Variants in GOLGB1 observed in about 807,000 individuals in gnomAD.
GOLGB1 encodes the protein golgin B1, also known as golgin subfamily B member 1.
Under a neutral mutation model 336.9 loss-of-function variants are expected in GOLGB1, and 174 were observed. That is an observed-to-expected ratio of 0.52 (90% CI 0.46 to 0.59). The LOEUF (loss-of-function observed/expected upper bound fraction) is 0.59, where lower values mean the gene tolerates loss of function less well. Among genes scored for constraint, GOLGB1 ranks in the 20% least tolerant of loss-of-function variants. GOLGB1 has a pLI of 0.00. For missense variants in GOLGB1, 3,331 were observed against 3,645.3 expected (o/e 0.91, Z 2.22); for synonymous variants, 1,208 against 1,289.2 (o/e 0.94, Z 1.35).
intron 10 of GOLGB1, among the ~76,000 whole-genome samples, chr3:121,707,040 G>A (rs373330585): frequency 5.3e-5 from 8 of 150,816 alleles, no homozygotes; most frequent in Middle Eastern, 3.4e-3. Flanking sequence ...GTGAAACCCC[G>A]TCTCTACCAA....
At chr3:121,701,007 G>C (rs929019055) in intron 11 of GOLGB1, among the ~76,000 whole-genome samples, 2 of 152,106 alleles carry the variant, frequency 1.3e-5, no homozygotes, top group African/African-American at 4.8e-5. Context: ...CTGGCACATA[G>C]GAAAGCCACC....
Position 121,691,512 on chromosome 3 carries a change from G to C in GOLGB1, c.7852C>G (p.Gln2618Glu). ...EIESLKVSIS[Q>E]LTRQVTALQE... ...AAGGCTGTTACTTGTCTTGTTAGCTGGGATATAGATACTTTCAAACTCTCA... is the reference window on the plus strand; with the variant it reads ...AAGGCTGTTACTTGTCTTGTTAGCTCGGATATAGATACTTTCAAACTCTCA... The change falls in exon 14 of 22, where the codon CAG becomes GAG. Residue 2618 changes from glutamine (Q) to glutamate (E), a missense_variant. Physicochemically the swap from Gln to Glu is conservative, Grantham distance 29. Transcript: ENST00000614479. 1 of 1,612,124 alleles carries C rather than the reference G, an allele frequency of 6.2e-7. No individual in the cohort carries two copies. The highest frequency in any genetic ancestry group is 1.1e-5 in the South Asian group (1 of 90,584).
intron 5 of GOLGB1, among the ~76,000 whole-genome samples, chr3:121,724,968 T>C (rs769032868): frequency 6.6e-6 from 1 of 152,174 alleles, no homozygotes; most frequent in Non-Finnish European, 1.5e-5. Flanking sequence ...AACATCCACA[T>C]GGTGCTAATT....
At chr3:121,670,050 C>A (rs1223902910) in intron 17 of GOLGB1, among the ~76,000 whole-genome samples, 1 of 152,144 alleles carries the variant, frequency 6.6e-6, no homozygotes, top group East Asian at 1.9e-4. Flanking sequence ...GCGCCCACTG[C>A]CTGACAAAGC....
Position 121,691,435 on chromosome 3 carries a change from T to C in GOLGB1, c.7929A>G (p.Glu2643=), listed in dbSNP as rs140044519. 3.7e-6 allele frequency: 6 copies of C among 1,613,726 alleles called. No individual in the cohort carries two copies. The African/African-American group carries it at 6.7e-5, about 18-fold the overall frequency. The stretch of plus-strand genomic sequence containing the variant: ...AAGCACTTAACCTGTGTACCTCTTC[T>C]TCTTTTACTTTTAACTGGGCATGAT... The part of the protein sequence containing the change: ...GLYHAQLKVK[E]EEVHRLSALF... Residue 2643 remains glutamate (E), a synonymous_variant, in exon 14 of 22, where the codon GAA becomes GAG. Transcript: ENST00000614479.
Position 121,696,028 on chromosome 3 carries a change from CT to C in GOLGB1, c.4494del (p.Glu1499LysfsTer3). ...AGACTTTTGTTTTCTTTTAGTGCTT[CT>C]TTTCGGGAAATAAGGGCAGCTTGCA... is the stretch of plus-strand genomic sequence containing the variant. ...RKLQAALISR[K>X]EALKENKSLQ... is the part of the protein sequence containing the mutation. On this transcript the variant is annotated frameshift_variant, in exon 13 of 22. Transcript: ENST00000614479. LOFTEE classifies it high-confidence loss of function. The C allele has an allele frequency of 2.5e-6, 4 of 1,614,088 alleles. No homozygotes were observed. The highest frequency in any genetic ancestry group is 3.4e-6 in the Non-Finnish European group (4 of 1,179,998).
At chr3:121,730,199 T>C (rs764512126) in intron 2 of GOLGB1, 182 bp from the exon 3 acceptor site, 1 of 476,552 alleles carries the variant, frequency 2.1e-6, no homozygotes, top group Non-Finnish European at 3.7e-6. Context: ...ATTTTATAAA[T>C]GTTAAGCATT....
At chr3:121,688,834 C>T (rs1206582719) in intron 14 of GOLGB1, among the ~76,000 whole-genome samples, 2 of 151,842 alleles carry the variant, frequency 1.3e-5, no homozygotes, top group Non-Finnish European at 2.9e-5. Flanking sequence ...TCTGCCCGGC[C>T]GCGACCCCGT....
At chr3:121,673,073 G>GTTT (rs368721459) in intron 17 of GOLGB1, among the ~76,000 whole-genome samples, 2 of 140,958 alleles carry the variant, frequency 1.4e-5, no homozygotes, top group Non-Finnish European at 3.1e-5. Flanking sequence ...TTGTTTTTTG[G>GTTT]TTTTTTTTTT....
chr3:121,729,008 A>T (rs1945873646), intron 4 of GOLGB1, 180 bp downstream of exon 4: 1 of 419,544 alleles, frequency 2.4e-6, no homozygotes, highest in South Asian at 7.1e-5. Context: ...TACATCTTTC[A>T]TTCTCCCTGT....
Position 121,695,134 on chromosome 3 carries a change from A to G in GOLGB1, c.5389T>C (p.Ser1797Pro), listed in dbSNP as rs1165286982. ...TGCTCTTCAGTCTCACCTGGTATAG[A>G]CTGTGTTCCCTCTTCAGTGACATTC... Reference protein sequence around the residue: ...QTNVTEEGTQSIPGETEEQDS... With the variant: ...QTNVTEEGTQPIPGETEEQDS... The change falls in exon 13 of 22, where the codon TCT (serine) becomes CCT (proline). Residue 1797 changes from serine to proline, a missense_variant. Transcript: ENST00000614479. 6.2e-7 allele frequency: 1 copy of G among 1,610,894 alleles called. No individual in the cohort carries two copies. Among genetic ancestry groups the G allele is most frequent in the Non-Finnish European group, 8.5e-7 (1 of 1,179,412 alleles).
Position 121,668,145 on chromosome 3 carries a change from A to G in GOLGB1, c.9335T>C (p.Ile3112Thr), listed in dbSNP as rs1280331996. ...VQELQAGPLN[I>T]DVAPGAPQEK... ...CTGGGGAGCTCCTGGAGCAACATCT[A>G]TATTTAGTGGCCCCTGGAAGAAGAA... Residue 3112 changes from isoleucine (I) to threonine (T), a missense_variant, in exon 19 of 22, where the codon ATA (isoleucine) becomes ACA (threonine). Physicochemically the swap from Ile to Thr is moderately conservative, Grantham distance 89 (BLOSUM62 -1). Coordinates refer to ENST00000614479, the MANE Select transcript of GOLGB1 (RefSeq NM_001366282.2). 3 of 1,589,220 alleles carry G rather than the reference A, an allele frequency of 1.9e-6. No homozygotes were observed. The highest frequency in any genetic ancestry group is 2.2e-5 in the East Asian group (1 of 44,602).
intron 1 of GOLGB1, among the ~76,000 whole-genome samples, chr3:121,743,588 T>C (rs1947034846): frequency 6.6e-6 from 1 of 152,210 alleles, no homozygotes; most frequent in African/African-American, 2.4e-5. Flanking sequence ...GTTGTGCACA[T>C]GTACCCTAGA....
chr3:121,729,951 C>T lies in GOLGB1; in HGVS notation c.163G>A (p.Ala55Thr). 6.2e-7 allele frequency: 1 copy of T among 1,608,598 alleles called. No individual in the cohort carries two copies. The highest frequency in any genetic ancestry group is 8.5e-7 in the Non-Finnish European group (1 of 1,175,044). The change falls in exon 3 of 22, where the codon GCT becomes ACT. Residue 55 changes from alanine (A) to threonine (T), a missense_variant. Ala to Thr is a moderately conservative substitution (Grantham distance 58). Transcript: ENST00000614479. ...TTQEDVQERL[A>T]YAEQLVVELK... is the part of the protein sequence containing the mutation. ...TCCACCACCAATTGCTCTGCATAAG[C>T]CAGGCGCTCCTGAACATCTTCTTGT...
rs762776596 is a variant in GOLGB1, at chr3:121,679,254, C to CA, written c.8874-1805dup. Among the ~76,000 whole-genome samples the CA allele has an allele frequency of 3.3e-5, 5 of 152,012 alleles. No individual in the cohort carries two copies. The East Asian group carries it at 9.6e-4, about 29-fold the overall frequency. Reference sequence around the variant, plus strand: ...TAGATAATGCAAATATTCCAAAATCCAAAAAAATCCGCAATCCAAAACACT... The same window carrying CA: ...TAGATAATGCAAATATTCCAAAATCCAAAAAAAATCCGCAATCCAAAACACT... On this transcript the variant is annotated intron_variant, in intron 15 of 21. Coordinates refer to ENST00000614479, the MANE Select transcript of GOLGB1 (RefSeq NM_001366282.2).
intron 6 of GOLGB1, among the ~76,000 whole-genome samples, chr3:121,721,595 T>C (rs1292102496): frequency 6.6e-6 from 1 of 152,160 alleles, no homozygotes; most frequent in East Asian, 1.9e-4. Flanking sequence ...ATTGTACCAC[T>C]TGTACTCCAG....
chr3:121,747,301 A>ATGTG (rs1947391370), intron 1 of GOLGB1, among the ~76,000 whole-genome samples: 2 of 142,884 alleles, frequency 1.4e-5, no homozygotes, highest in African/African-American at 5.1e-5. Context: ...ATATGTGTAT[A>ATGTG]TATGTATATA....
In GOLGB1 at chr3:121,716,795, A is replaced by C; in HGVS notation, c.1230T>G (p.Leu410=). 1 of 1,613,558 alleles carries C rather than the reference A, an allele frequency of 6.2e-7. No homozygotes were observed. Among genetic ancestry groups the C allele is most frequent in the Non-Finnish European group, 8.5e-7 (1 of 1,179,600 alleles). The change falls in exon 9 of 22, where the codon CTT becomes CTG. Residue 410 remains leucine (L), a synonymous_variant. Transcript: ENST00000614479. ...CTGCTTGCTCATTCTTATCTTGGAG[A>C]AGCTTTGAATTTTGATCCTTTAGAG... ...CDALKDQNSK[L]LQDKNEQAVQ...
chr3:121,719,686 T>TGTG lies in GOLGB1; in HGVS notation c.730_731insCAC (p.Leu243_Gln244insPro). The TGTG allele has an allele frequency of 6.2e-7, 1 of 1,611,080 alleles. No individual in the cohort carries two copies. The highest frequency in any genetic ancestry group is 8.5e-7 in the Non-Finnish European group (1 of 1,178,370). ...TTCCACATCTGCCTGGGTTACTAAC[T>TGTG]GAAGAAGCTCATCTTCATGAAGACG... is the stretch of plus-strand genomic sequence containing the variant. On this transcript the variant is annotated inframe_insertion, in exon 7 of 22. Transcript: ENST00000614479.
Sources: gnomAD v4.1 joint callset for allele counts (sites outside exome capture counted in the v4.1 genomes callset) on GRCh38, gnomAD v4.1.1 for gene constraint, MANE v1.5 for transcripts, NCBI Gene and HGNC (gene_info 2026-07-23, HGNC 2026-07-21) for gene names.